The following LPP variants were observed in gnomAD, a reference collection of about 807,000 sequenced individuals.
LPP encodes the protein lipoma-preferred partner.
A neutral mutation model predicts 60.4 loss-of-function variants in LPP; 38 were observed. That is an observed-to-expected ratio of 0.63 (90% CI 0.49 to 0.83). The LOEUF (loss-of-function observed/expected upper bound fraction) is 0.83. Ranked by LOEUF, LPP falls within the 40% of genes least tolerant of loss-of-function variation. The pLI, the probability that LPP is intolerant of heterozygous loss-of-function variation, is 0.00. For missense variants in LPP, 902 were observed against 783.6 expected (o/e 1.15, Z -1.80); for synonymous variants, 328 against 290.8 (o/e 1.13, Z -1.30).
intron 7 of LPP, among the ~76,000 whole-genome samples, chr3:188,632,499 G>A (rs1848020188): frequency 6.6e-6 from 1 of 152,122 alleles, no homozygotes; most frequent in African/African-American, 2.4e-5. Context: ...AAGTTTTTTG[G>A]TTACTTGGCC....
intron 1 of LPP, among the ~76,000 whole-genome samples, chr3:188,200,029 A>G (rs1462651433): frequency 6.6e-6 from 1 of 152,038 alleles, no homozygotes; most frequent in African/African-American, 2.4e-5. Flanking sequence ...CTAAACTGAG[A>G]TATTTTTTGT....
At chr3:188,711,166 C>T (rs988327752) in intron 8 of LPP, 1 of 152,108 alleles carries the variant, frequency 6.6e-6, no homozygotes, top group Non-Finnish European at 1.5e-5. Flanking sequence ...AACAATAGAA[C>T]GTATGTCACT....
intron 6 of LPP, among the ~76,000 whole-genome samples, chr3:188,557,900 A>G (rs562672455): frequency 6.6e-6 from 1 of 152,246 alleles, no homozygotes; most frequent in Admixed American, 6.6e-5. Context: ...TAAATCATCA[A>G]GCAGGTAAAG....
At chr3:188,655,901 C>A (rs1853087435) in intron 7 of LPP, among the ~76,000 whole-genome samples, 1 of 151,992 alleles carries the variant, frequency 6.6e-6, no homozygotes, top group Admixed American at 6.6e-5. Context: ...ATTAAAAAAA[C>A]ACTTTGGGCC....
chr3:188,447,955 C>T (rs897929597), intron 4 of LPP, among the ~76,000 whole-genome samples: 3 of 152,110 alleles, frequency 2.0e-5, no homozygotes, highest in African/African-American at 7.2e-5. Context: ...AGTGGATTCC[C>T]AAGCCTCAAC....
At chr3:188,267,805 A>G (rs935093624) in intron 2 of LPP, among the ~76,000 whole-genome samples, 3 of 152,076 alleles carry the variant, frequency 2.0e-5, no homozygotes, top group African/African-American at 7.2e-5. Context: ...CTCACTTTAG[A>G]TGATTCTTCT....
intron 4 of LPP, among the ~76,000 whole-genome samples, chr3:188,470,629 A>G (rs1430030602): frequency 6.6e-6 from 1 of 152,126 alleles, no homozygotes; most frequent in Non-Finnish European, 1.5e-5. Flanking sequence ...TAAAGTTACT[A>G]TAGAGGGCTG....
At chr3:188,634,950 T>C (rs1216988634) in intron 7 of LPP, among the ~76,000 whole-genome samples, 1 of 152,076 alleles carries the variant, frequency 6.6e-6, no homozygotes, top group Non-Finnish European at 1.5e-5. Flanking sequence ...GCCAAAAAGG[T>C]TGGGGACCAC....
chr3:188,530,613 C>T (rs963069455), intron 6 of LPP, among the ~76,000 whole-genome samples: 3 of 152,212 alleles, frequency 2.0e-5, no homozygotes. Flanking sequence ...TTGTATTTTC[C>T]CCGAACTATG....
At chr3:188,682,374 C>T (rs1188252704) in intron 7 of LPP, among the ~76,000 whole-genome samples, 2 of 152,178 alleles carry the variant, frequency 1.3e-5, no homozygotes, top group East Asian at 3.8e-4. Context: ...CCATCTCTTG[C>T]GTTTATTAGC....
intron 1 of LPP, among the ~76,000 whole-genome samples, chr3:188,159,320 G>C (rs577564340): frequency 6.6e-6 from 1 of 152,234 alleles, no homozygotes; most frequent in African/African-American, 2.4e-5. Flanking sequence ...GAGTCAGATG[G>C]GTCATCTACA....
At chr3:188,564,851 C>T (rs1831729344) in intron 6 of LPP, among the ~76,000 whole-genome samples, 3 of 151,910 alleles carry the variant, frequency 2.0e-5, no homozygotes, top group Admixed American at 2.0e-4. Context: ...CTTCAATTTT[C>T]CTTCTGTTTT....
chr3:188,753,828 A>G (rs536278066), intron 8 of LPP, among the ~76,000 whole-genome samples: 2 of 151,918 alleles, frequency 1.3e-5, no homozygotes, highest in East Asian at 1.9e-4. Flanking sequence ...AGAGAGGGAA[A>G]CAGACATTGG....
chr3:188,318,750 A>ATTTTTTT (rs1578073052), intron 2 of LPP, among the ~76,000 whole-genome samples: 11 of 120,506 alleles, frequency 9.1e-5, no homozygotes, highest in Non-Finnish European at 1.2e-4. Context: ...AAAAATTATG[A>ATTTTTTT]TTCTTTTTTT....
intron 2 of LPP, among the ~76,000 whole-genome samples, chr3:188,292,411 C>CA (rs914287206): frequency 6.6e-6 from 1 of 152,136 alleles, no homozygotes; most frequent in Admixed American, 6.5e-5. Context: ...CTCTACACTC[C>CA]AAAAAACAGA....
chr3:188,409,227 G>C (rs1296002354), intron 4 of LPP, among the ~76,000 whole-genome samples: 1 of 152,030 alleles, frequency 6.6e-6, no homozygotes, highest in Non-Finnish European at 1.5e-5. Flanking sequence ...TTGCATTTCT[G>C]CCAATTCTCA....
intron 1 of LPP, among the ~76,000 whole-genome samples, chr3:188,203,858 T>C (rs1732396222): frequency 6.6e-6 from 1 of 151,666 alleles, no homozygotes; most frequent in Admixed American, 6.6e-5. Context: ...TTGCACATGG[T>C]TACTGGCTCA....
intron 1 of LPP, among the ~76,000 whole-genome samples, chr3:188,197,691 G>A (rs983303482): frequency 3.9e-5 from 6 of 152,016 alleles, no homozygotes; most frequent in Non-Finnish European, 8.8e-5. Flanking sequence ...GTTTTGCCTC[G>A]GGGCTCCAGG....
intron 4 of LPP, among the ~76,000 whole-genome samples, chr3:188,415,348 T>C (rs1029482569): frequency 6.6e-6 from 1 of 152,114 alleles, no homozygotes; most frequent in East Asian, 1.9e-4. Context: ...GTGCAAAATT[T>C]TGTAGCCACG....
Sources: gnomAD v4.1 joint callset for allele counts (sites outside exome capture counted in the v4.1 genomes callset) on GRCh38, gnomAD v4.1.1 for gene constraint, MANE v1.5 for transcripts, NCBI Gene and HGNC (gene_info 2026-07-23, HGNC 2026-07-21) for gene names.